SYNJ2: variants seen among roughly 807,000 people sequenced by gnomAD.
SYNJ2 encodes the protein polyphosphatidylinositol phosphatase SYNJ2.
Under a neutral mutation model 141.3 loss-of-function variants are expected in SYNJ2, and 116 were observed. The observed-to-expected ratio is 0.82, with a 90% CI of 0.71 to 0.96. SYNJ2 has a LOEUF of 0.96. Ranked by LOEUF, SYNJ2 falls within the 40% of genes least tolerant of loss-of-function variation. SYNJ2 has a pLI of 0.00. For synonymous variants in SYNJ2, 745 were observed against 777.7 expected (o/e 0.96, Z 0.70); for missense variants, 1,873 against 1,934.8 (o/e 0.97, Z 0.60).
intron 1 of SYNJ2, among the ~76,000 whole-genome samples, chr6:157,996,127 A>G (rs1299963353): frequency 1.3e-5 from 2 of 152,138 alleles, no homozygotes; most frequent in Non-Finnish European, 2.9e-5. Context: ...GACTCCCCCT[A>G]CATCCAAACT....
In SYNJ2 at chr6:158,048,145, A is replaced by G. The variant is rs138069696; in HGVS notation, c.795+4746A>G. Among the ~76,000 whole-genome samples the G allele has an allele frequency of 4.3e-3, 659 of 152,264 alleles. 5 individuals carry two copies. The highest frequency in any genetic ancestry group is 0.015 in the African/African-American group (625 of 41,558). On this transcript the variant is annotated intron_variant, in intron 5 of 26. Transcript: ENST00000355585. ...GCACCAGGGATCAGATACAGTCCCT[A>G]CCTTCAGGGAGCAGGGGGCAGGACA...
chr6:158,000,170 C>T (rs565542553), intron 1 of SYNJ2, among the ~76,000 whole-genome samples: 3 of 140,372 alleles, frequency 2.1e-5, no homozygotes, highest in East Asian at 2.1e-4. Context: ...TCCAGATCCA[C>T]GGAATGACGG....
intron 2 of SYNJ2, chr6:158,028,264 G>A: frequency 6.0e-6 from 1 of 167,622 alleles, no homozygotes; most frequent in Non-Finnish European, 1.3e-5. Flanking sequence ...AATGACTTTG[G>A]GAAGGCCACT....
Position 158,037,128 on chromosome 6 carries a change from T to A in SYNJ2, c.711+3448T>A, listed in dbSNP as rs540239821. ...CTGCCCATAATAAAGTACCCCAAAC[T>A]GGGTGGCCGAAAACAACACACTTAT... On this transcript the variant is annotated intron_variant, in intron 4 of 26. Coordinates refer to ENST00000355585, the MANE Select transcript of SYNJ2 (RefSeq NM_003898.4). 1.5e-4 allele frequency among the ~76,000 whole-genome samples: 23 copies of A among 152,236 alleles called. No homozygotes were observed. The South Asian group carries it at 4.4e-3, about 29-fold the overall frequency.
rs1345757596 is a variant in SYNJ2, at chr6:157,982,602, A to G, written c.127+514A>G. On this transcript the variant is annotated intron_variant, in intron 1 of 26. Coordinates refer to ENST00000355585, the MANE Select transcript of SYNJ2 (RefSeq NM_003898.4). The surrounding 1 kb of genome is among the most constrained non-coding windows in gnomAD (Gnocchi z 4.0). ...CTTGGTCGAGAAGCATCGGTGCTGC[A>G]ATTTATAGAACTTGTAAACAAATAT... Among the ~76,000 whole-genome samples, 1 of 152,212 alleles carries G rather than the reference A, an allele frequency of 6.6e-6. No individual in the cohort carries two copies. The highest frequency in any genetic ancestry group is 1.5e-5 in the Non-Finnish European group (1 of 68,038).
rs1779892451 is a variant in SYNJ2 at position 158,040,552 on chromosome 6, A to G, written c.712-2764A>G. Among the ~76,000 whole-genome samples the G allele has an allele frequency of 6.6e-6, 1 of 152,042 alleles. No homozygotes were observed. Among genetic ancestry groups the G allele is most frequent in the South Asian group, 2.1e-4 (1 of 4,824 alleles). On this transcript the variant is annotated intron_variant, in intron 4 of 26. Coordinates refer to ENST00000355585, the MANE Select transcript of SYNJ2 (RefSeq NM_003898.4). The surrounding 1 kb of genome is among the most constrained non-coding windows in gnomAD (Gnocchi z 4.2). ...GTCTATTAAAAAAAAAAAAGGATGT[A>G]AGATAAATATTTGGCTATTCAAGAT... is the stretch of plus-strand genomic sequence containing the variant.
At chr6:158,092,169 G>T (rs1400967205) in intron 25 of SYNJ2, among the ~76,000 whole-genome samples, 1 of 151,648 alleles carries the variant, frequency 6.6e-6, no homozygotes, top group Admixed American at 6.6e-5. Context: ...TCTACCTACA[G>T]TCCCGGCTTA....
chr6:157,986,225 G>A (rs943352894), intron 1 of SYNJ2, among the ~76,000 whole-genome samples: 2 of 152,174 alleles, frequency 1.3e-5, no homozygotes, highest in Non-Finnish European at 2.9e-5. Flanking sequence ...GCAGCGACCC[G>A]GGACCACAGT....
intron 20 of SYNJ2, among the ~76,000 whole-genome samples, chr6:158,083,025 C>G (rs562327023): frequency 3.3e-5 from 5 of 152,000 alleles, no homozygotes; most frequent in African/African-American, 1.2e-4. Flanking sequence ...TTCCGCCTCC[C>G]GGGTTCAAGC....
chr6:158,048,774 A>C (rs1407542983), intron 5 of SYNJ2, among the ~76,000 whole-genome samples: 1 of 151,926 alleles, frequency 6.6e-6, no homozygotes, highest in Non-Finnish European at 1.5e-5. Context: ...TGTGGTGTAA[A>C]TTCTCCCATC....
In SYNJ2 at chr6:158,081,445, C is replaced by T; in HGVS notation, c.2800C>T (p.Gln934Ter). 3.1e-6 allele frequency: 5 copies of T among 1,613,846 alleles called. No individual in the cohort carries two copies. Among genetic ancestry groups the T allele is most frequent in the Non-Finnish European group, 2.5e-6 (3 of 1,179,952 alleles). ...TIVLVRINQGQMLVTFADSHS... is the reference protein window; with the variant it reads ...TIVLVRINQG ...CATTTATTCCAGGATCAACCAAGGG[C>T]AGATGCTGGTAACTTTTGCAGACAG... Residue 934 changes from glutamine (Q) to a stop codon, truncating the protein, a stop_gained, in exon 20 of 27, where the codon CAG becomes TAG. Transcript: ENST00000355585. LOFTEE classifies it high-confidence loss of function.
chr6:158,051,626 A>G (rs1234169428), intron 5 of SYNJ2, among the ~76,000 whole-genome samples: 2 of 151,880 alleles, frequency 1.3e-5, no homozygotes, highest in African/African-American at 4.8e-5. Context: ...ACCAAAAGGG[A>G]TTTGGGACTT....
intron 8 of SYNJ2, 66 bp downstream of exon 8, chr6:158,062,230 C>T (rs1234729661): frequency 3.4e-5 from 54 of 1,576,784 alleles, no homozygotes; most frequent in Admixed American, 6.9e-5. Flanking sequence ...CGGTGAGGCT[C>T]GCTGCGTGCT....
chr6:158,062,058 G>C lies in SYNJ2; in HGVS notation c.1021G>C (p.Ala341Pro), dbSNP rs947577563. 6 of 1,614,054 alleles carry C rather than the reference G, an allele frequency of 3.7e-6. No homozygotes were observed. Among genetic ancestry groups the C allele is most frequent in the Middle Eastern group, 1.6e-4 (1 of 6,082 alleles). The stretch of plus-strand genomic sequence containing the variant: ...GATCAATTTTGACTTCCATCAGTTT[G>C]CCAAAGGTGGGAAGCTAGAGAAATT... ...PMINFDFHQF[A>P]KGGKLEKLET... The change falls in exon 8 of 27, where the codon GCC becomes CCC. Residue 341 changes from alanine to proline, a missense_variant. Ala to Pro is a conservative substitution (Grantham distance 27). Transcript: ENST00000355585.
chr6:157,986,452 G>A (rs952394807), intron 1 of SYNJ2, among the ~76,000 whole-genome samples: 6 of 152,214 alleles, frequency 3.9e-5, no homozygotes, highest in Admixed American at 3.3e-4. Context: ...TCCTGCCTCA[G>A]CCTCCTGAGT....
At chr6:158,045,024 T>C (rs1372631200) in intron 5 of SYNJ2, among the ~76,000 whole-genome samples, 1 of 151,690 alleles carries the variant, frequency 6.6e-6, no homozygotes, top group Non-Finnish European at 1.5e-5. Flanking sequence ...ATGGTCATGA[T>C]GGATTCTTAG....
rs186628148 is a variant in SYNJ2 at position 158,070,772 on chromosome 6, A to G, written c.1941-830A>G. 6.6e-6 allele frequency among the ~76,000 whole-genome samples: 1 copy of G among 152,184 alleles called. No homozygotes were observed. The highest frequency in any genetic ancestry group is 6.5e-5 in the Admixed American group (1 of 15,290). ...GTGCTTGCAGCCCATGTTTCTATGG[A>G]CTCGTATGCGTCATAAGTGGGCATT... is the stretch of plus-strand genomic sequence containing the variant. On this transcript the variant is annotated intron_variant, in intron 14 of 26. Transcript: ENST00000355585. The surrounding 1 kb of genome is among the most constrained non-coding windows in gnomAD (Gnocchi z 4.0).
chr6:158,070,480 G>C lies in SYNJ2; in HGVS notation c.1940+807G>C. On this transcript the variant is annotated intron_variant, in intron 14 of 26. Coordinates refer to ENST00000355585, the MANE Select transcript of SYNJ2 (RefSeq NM_003898.4). This position sits in a 1 kb window ranked among gnomAD's most constrained non-coding sequence, Gnocchi z 4.0. ...TCTGCTTGTGTTATTTGGGCAGCTT[G>C]GCAGTGTCCTAGGTTAGCAGGTGAA... 5.1e-6 allele frequency: 5 copies of C among 985,540 alleles called. No individual in the cohort carries two copies. The highest frequency in any genetic ancestry group is 6.0e-6 in the Non-Finnish European group (5 of 830,058). The allele number at this position is 985,540 out of a possible 1,614,324, so 61.0% of individuals were successfully genotyped here.
At chr6:158,089,248 G>T (rs1314848259) in intron 24 of SYNJ2, among the ~76,000 whole-genome samples, 5 of 152,084 alleles carry the variant, frequency 3.3e-5, no homozygotes, top group Admixed American at 2.0e-4. Flanking sequence ...GGTTCCAGAG[G>T]GTACCATGAG....
Sources: gnomAD v4.1 joint callset for allele counts (sites outside exome capture counted in the v4.1 genomes callset) on GRCh38, gnomAD v4.1.1 for gene constraint, Gnocchi (gnomAD v3.1) non-coding constraint, MANE v1.5 for transcripts, NCBI Gene and HGNC (gene_info 2026-07-23, HGNC 2026-07-21) for gene names.